SPTA1: variants seen among roughly 807,000 people sequenced by gnomAD.
SPTA1 encodes spectrin alpha chain, erythrocytic 1.
Under a neutral mutation model 324.7 loss-of-function variants are expected in SPTA1, and 177 were observed. The observed-to-expected ratio is 0.55, with a 90% CI of 0.48 to 0.62. SPTA1 has a LOEUF of 0.62. SPTA1 is among the 20% of genes least tolerant of loss of function. The pLI, the probability that SPTA1 is intolerant of heterozygous loss-of-function variation, is 0.00. For synonymous variants in SPTA1, 1,195 were observed against 1,041.3 expected (o/e 1.15, Z -2.84); for missense variants, 3,162 against 2,883.6 (o/e 1.10, Z -2.21).
At chr1:158,630,855 G>A (rs1243903841) in intron 39 of SPTA1, among the ~76,000 whole-genome samples, 2 of 151,776 alleles carry the variant, frequency 1.3e-5, no homozygotes, top group Non-Finnish European at 2.9e-5. Context: ...TTAAAAATGG[G>A]CTAAAAACAA....
rs769882118 is a variant in SPTA1 at position 158,677,807 on chromosome 1, G to A, written c.840C>T (p.Ile280=). 4 of 1,613,568 alleles carry A rather than the reference G, an allele frequency of 2.5e-6. No individual in the cohort carries two copies. Among genetic ancestry groups the A allele is most frequent in the East Asian group, 2.2e-5 (1 of 44,846 alleles). ...KRDVTEAIQW[I]KEKEPVLTSE... ...AGGTGAGTACAGGTTCCTTCTCCTT[G>A]ATCCACTGGATGGCTTCAGTCACAT... Residue 280 remains isoleucine, a synonymous_variant, in exon 7 of 52, where the codon ATC becomes ATT. Coordinates refer to ENST00000643759, the MANE Select transcript of SPTA1 (RefSeq NM_003126.4).
intron 27 of SPTA1, 78 bp from the exon 28 acceptor site, chr1:158,645,672 T>A: frequency 1.4e-6 from 2 of 1,461,148 alleles, no homozygotes; most frequent in South Asian, 1.1e-5. Flanking sequence ...CAGTTTTCCA[T>A]TCTCTAGAAA....
intron 35 of SPTA1, chr1:158,639,232 T>C (rs1156276503): frequency 1.1e-5 from 3 of 283,256 alleles, no homozygotes; most frequent in Non-Finnish European, 1.4e-5. Flanking sequence ...TCTGATTTTT[T>C]GTTTGTAATT....
Position 158,672,184 on chromosome 1 carries a change from C to A in SPTA1, c.1363G>T (p.Asp455Tyr), listed in dbSNP as rs748353283. 1.9e-6 allele frequency: 3 copies of A among 1,613,700 alleles called. No individual in the cohort carries two copies. In the African/African-American group the frequency reaches 4.0e-5, roughly 22 times the overall value. Residue 455 changes from aspartate (D) to tyrosine (Y), a missense_variant, in exon 11 of 52, where the codon GAC becomes TAC. Transcript: ENST00000643759. Reference protein sequence around the residue: ...DEVREKMEILDNNWTALLELW... With the variant: ...DEVREKMEILYNNWTALLELW... ...TCCAGCAGGGCAGTCCAGTTGTTGT[C>A]AAGTATTTCCATCTTTGGAAAGAAG...
intron 19 of SPTA1, 44 bp from the exon 20 acceptor site, chr1:158,656,700 A>G: frequency 6.5e-7 from 1 of 1,531,482 alleles, no homozygotes; most frequent in Non-Finnish European, 9.0e-7. Flanking sequence ...TATAGGAGGA[A>G]CACTATTATT....
intron 33 of SPTA1, 60 bp downstream of exon 33, chr1:158,642,351 A>G: frequency 6.6e-7 from 1 of 1,511,562 alleles, no homozygotes; most frequent in South Asian, 1.4e-5. Flanking sequence ...AAAAAAAAAG[A>G]AAGAGTAAAT....
At chr1:158,636,166 C>A (rs1375583910) in intron 37 of SPTA1, 132 bp from the exon 38 acceptor site, 2 of 1,485,488 alleles carry the variant, frequency 1.3e-6, no homozygotes, top group Non-Finnish European at 9.3e-7. Context: ...TTGTGAGGGT[C>A]CTGAAAGTCC....
intron 49 of SPTA1, among the ~76,000 whole-genome samples, 179 bp from the exon 50 acceptor site, chr1:158,614,046 G>C (rs141193990): frequency 7.6e-4 from 116 of 152,230 alleles, no homozygotes; most frequent in African/African-American, 2.7e-3. Context: ...AATGGATAGA[G>C]AGAAAAGCAT....
Position 158,626,241 on chromosome 1 carries a change from T to G in SPTA1, c.5834-19A>C. 6.2e-7 allele frequency: 1 copy of G among 1,611,750 alleles called. No individual in the cohort carries two copies. The highest frequency in any genetic ancestry group is 8.5e-7 in the Non-Finnish European group (1 of 1,178,178). ...TTATCAGCTAAAAGGCAAAAACAAT[T>G]AAGAAGAGAAAGACATTTGGTCTTG... is the stretch of plus-strand genomic sequence containing the variant. On this transcript the variant is annotated intron_variant, in intron 41 of 51. Coordinates refer to ENST00000643759, the MANE Select transcript of SPTA1 (RefSeq NM_003126.4).
intron 9 of SPTA1, 50 bp from the exon 10 acceptor site, chr1:158,674,480 T>G (rs200325552): frequency 1.2e-6 from 2 of 1,614,088 alleles, no homozygotes; most frequent in Non-Finnish European, 1.7e-6. Flanking sequence ...AACCTGGCAT[T>G]TCTGGCATTC....
At chr1:158,636,123 A>G (rs930658955) in intron 37 of SPTA1, 89 bp from the exon 38 acceptor site, 2 of 1,607,190 alleles carry the variant, frequency 1.2e-6, no homozygotes, top group African/African-American at 2.7e-5. Flanking sequence ...AGCCCATCCT[A>G]CCCTCCAGAT....
In SPTA1 at chr1:158,651,922, T is replaced by TGC. The variant is rs1557960207; in HGVS notation, c.3376-456_3376-455dup. 5.5e-3 allele frequency among the ~76,000 whole-genome samples: 830 copies of TGC among 151,564 alleles called. 8 individuals carry two copies. Among genetic ancestry groups the TGC allele is most frequent in the African/African-American group, 0.019 (773 of 41,194 alleles). ...CTCTCTCTCTCTCTGTGTGTGTGTG[T>TGC]GCGCGTGTGTGTGTGTTAAATCCCA... On this transcript the variant is annotated intron_variant, in intron 23 of 51. Coordinates refer to ENST00000643759, the MANE Select transcript of SPTA1 (RefSeq NM_003126.4).
rs2097584466 is a variant in SPTA1 at position 158,667,900 on chromosome 1, C to A, written c.1996G>T (p.Ala666Ser). ...DNVTTRLSEVASLWEELLEAT... is the reference protein window; with the variant it reads ...DNVTTRLSEVSSLWEELLEAT... ...TCCAGCAACTCCTCCCAGAGGCTGG[C>A]AACTTCACTCAGACGAGTGGTCACA... is the stretch of plus-strand genomic sequence containing the variant. The change falls in exon 15 of 52, where the codon GCC becomes TCC. Residue 666 changes from alanine to serine, a missense_variant. Coordinates refer to ENST00000643759, the MANE Select transcript of SPTA1 (RefSeq NM_003126.4). 6.2e-7 allele frequency: 1 copy of A among 1,614,026 alleles called. No individual in the cohort carries two copies. The highest frequency in any genetic ancestry group is 8.5e-7 in the Non-Finnish European group (1 of 1,179,992).
rs1652600001 is a variant in SPTA1 at position 158,653,377 on chromosome 1, C to T, written c.3085G>A (p.Val1029Ile). The T allele has an allele frequency of 1.2e-6, 2 of 1,613,992 alleles. No individual in the cohort carries two copies. Among genetic ancestry groups the T allele is most frequent in the Non-Finnish European group, 1.7e-6 (2 of 1,180,026 alleles). The change falls in exon 22 of 52, where the codon GTC (valine) becomes ATC (isoleucine). Residue 1029 changes from valine (V) to isoleucine (I), a missense_variant. By Grantham distance (29) the Val-to-Ile change is conservative. Transcript: ENST00000643759. ...AADHQGIVPA[V>I]YVRRLAHDEF... ...TCGTGGGCCAGTCTTCTGACATAGACAGCTGGGACAATGCCCTGATGATCA... is the reference window on the plus strand; with the variant it reads ...TCGTGGGCCAGTCTTCTGACATAGATAGCTGGGACAATGCCCTGATGATCA...
chr1:158,645,223 G>A lies in SPTA1; in HGVS notation c.4159C>T (p.Arg1387Cys), dbSNP rs372067263. Residue 1387 changes from arginine to cysteine, a missense_variant, in exon 29 of 52, where the codon CGC becomes TGC. Coordinates refer to ENST00000643759, the MANE Select transcript of SPTA1 (RefSeq NM_003126.4). ...AGGCACTGGTCTAGGATCTTCTTGC[G>A]TTTTTCCCAAGCCTTCTCCAAATCA... ...RDDLEKAWEK[R>C]KKILDQCLEL... is the part of the protein sequence containing the mutation. 252 of 1,613,738 alleles carry A rather than the reference G, an allele frequency of 1.6e-4. 2 individuals carry two copies. The Middle Eastern group carries it at 4.1e-3, about 26-fold the overall frequency.
intron 24 of SPTA1, among the ~76,000 whole-genome samples, 158 bp from the exon 25 acceptor site, chr1:158,650,105 G>A (rs141112334): frequency 6.6e-6 from 1 of 152,186 alleles, no homozygotes; most frequent in Non-Finnish European, 1.5e-5. Context: ...TTGAGCTTGG[G>A]CCTCATTTTT....
chr1:158,650,383 A>G (rs1652335677), intron 24 of SPTA1, among the ~76,000 whole-genome samples: 1 of 152,272 alleles, frequency 6.6e-6, no homozygotes, highest in African/African-American at 2.4e-5. Context: ...GTATTTCTTC[A>G]CCTTCTTATC....
At chr1:158,633,847 G>A (rs1188179193) in intron 39 of SPTA1, among the ~76,000 whole-genome samples, 1 of 152,068 alleles carries the variant, frequency 6.6e-6, no homozygotes, top group African/African-American at 2.4e-5. Flanking sequence ...ATAGGTTTAA[G>A]TTATCTTTTG....
chr1:158,642,362 G>T (rs749088747), intron 33 of SPTA1, 49 bp downstream of exon 33: 12 of 1,581,646 alleles, frequency 7.6e-6, no homozygotes, highest in Non-Finnish European at 9.5e-6. Context: ...AAGAGTAAAT[G>T]ATTCCTCTTC....
Sources: allele counts gnomAD v4.1 joint callset (sites outside exome capture counted in the v4.1 genomes callset), GRCh38; gene constraint gnomAD v4.1.1; transcripts MANE v1.5; gene names NCBI Gene and HGNC (gene_info 2026-07-23, HGNC 2026-07-21).